UBE3A: variants seen among roughly 807,000 people sequenced by gnomAD.
UBE3A encodes the protein ubiquitin-protein ligase E3A.
In UBE3A, 6 loss-of-function variants were observed where a neutral mutation model predicts 83.4. The observed-to-expected ratio is 0.07, with a 90% CI of 0.04 to 0.14. The LOEUF (loss-of-function observed/expected upper bound fraction) is 0.14. UBE3A is among the 10% of genes least tolerant of loss of function. UBE3A has a pLI of 1.00. For synonymous variants in UBE3A, 337 were observed against 355.4 expected, an observed-to-expected ratio of 0.95 and a Z score of 0.58; for missense variants, 456 against 1,036.1, an observed-to-expected ratio of 0.44 and a Z score of 7.69.
chr15:25,372,997 A>G (rs2080552178), intron 5 of UBE3A, among the ~76,000 whole-genome samples: 1 of 152,198 alleles, frequency 6.6e-6, no homozygotes. Flanking sequence ...TATCATACTA[A>G]GGATCTGATC....
intron 1 of UBE3A, chr15:25,421,950 A>C (rs1483110386): frequency 6.6e-6 from 1 of 152,202 alleles, no homozygotes; most frequent in Admixed American, 6.5e-5. Flanking sequence ...ATTCCAATTT[A>C]AGGTATTTAC....
chr15:25,343,926 G>A (rs570244890), intron 11 of UBE3A, among the ~76,000 whole-genome samples: 4 of 152,266 alleles, frequency 2.6e-5, no homozygotes, highest in South Asian at 4.1e-4. Flanking sequence ...TTTCTCAATT[G>A]GCAAATAAGT....
intron 1 of UBE3A, among the ~76,000 whole-genome samples, chr15:25,427,631 A>AAAAAAAAAAAAAC (rs1311491781): frequency 8.7e-6 from 1 of 115,254 alleles, no homozygotes; most frequent in Non-Finnish European, 1.9e-5. Flanking sequence ...AAAAAAAAAA[A>AAAAAAAAAAAAAC]CCCACAAAAC....
intron 11 of UBE3A, among the ~76,000 whole-genome samples, chr15:25,349,719 C>T (rs760863280): frequency 1.3e-5 from 2 of 152,186 alleles, no homozygotes; most frequent in South Asian, 4.1e-4. Context: ...GAAGCACTTT[C>T]CAGCTTCTCT....
chr15:25,420,044 A>C (rs1888986366), intron 1 of UBE3A, among the ~76,000 whole-genome samples: 1 of 152,162 alleles, frequency 6.6e-6, no homozygotes, highest in African/African-American at 2.4e-5. Flanking sequence ...AATAAATGTA[A>C]ATGGACTTAA....
rs150355916 is a variant in UBE3A, at chr15:25,360,525, T to C, written c.1611A>G (p.Leu537=). 9.9e-6 allele frequency: 16 copies of C among 1,613,118 alleles called. No individual in the cohort carries two copies. Among genetic ancestry groups the C allele is most frequent in the Non-Finnish European group, 1.4e-5 (16 of 1,179,770 alleles). The change falls in exon 7 of 13, where the codon CTA becomes CTG. Residue 537 remains leucine, a splice_region_variant and synonymous_variant. Coordinates refer to ENST00000648336, the MANE Select transcript of UBE3A (RefSeq NM_130839.5). ...CAGGATTTTCCATAGCGATCATCTC[T>C]AGCTAGTGATTGAAAAGATAAACAT... ...DHIIDDALVR[L]EMIAMENPAD...
chr15:25,354,916 A>G (rs1268962884), intron 9 of UBE3A, among the ~76,000 whole-genome samples: 1 of 151,916 alleles, frequency 6.6e-6, no homozygotes, highest in Non-Finnish European at 1.5e-5. Flanking sequence ...TAAAAATTCA[A>G]TTTTACACCT....
At chr15:25,415,033 T>C (rs953081192) in intron 1 of UBE3A, among the ~76,000 whole-genome samples, 5 of 152,182 alleles carry the variant, frequency 3.3e-5, no homozygotes, top group Admixed American at 6.5e-5. Flanking sequence ...AGGTTAAGAT[T>C]CAAACCCTAA....
intron 1 of UBE3A, chr15:25,420,580 A>C (rs1889301760): frequency 6.6e-6 from 1 of 152,208 alleles, no homozygotes; most frequent in African/African-American, 2.4e-5. Context: ...GTCATGAAGA[A>C]AATGTAAATT....
chr15:25,348,203 G>A lies in UBE3A; in HGVS notation c.2354+6150C>T, dbSNP rs1403670839. 2.0e-5 allele frequency among the ~76,000 whole-genome samples: 3 copies of A among 151,922 alleles called. No homozygotes were observed. The East Asian group carries it at 5.8e-4, about 29-fold the overall frequency. On this transcript the variant is annotated intron_variant, in intron 11 of 12. Transcript: ENST00000648336. ...CCTCAAAATAAATGAAACAAAACCT[G>A]ATAAACAGATAAATCTCAGAAGCAG...
Position 25,333,800 on chromosome 15 carries a change from T to A in UBE3A, c.*5337A>T, listed in dbSNP as rs1451263316. 1 of 151,672 alleles carries A rather than the reference T, an allele frequency of 6.6e-6. No homozygotes were observed. The highest frequency in any genetic ancestry group is 1.5e-5 in the Non-Finnish European group (1 of 67,958). 9.4% of individuals were successfully genotyped at this position (151,672 alleles called of 1,614,324 possible). On this transcript the variant is annotated 3_prime_UTR_variant, in exon 13 of 13. Coordinates refer to ENST00000648336, the MANE Select transcript of UBE3A (RefSeq NM_130839.5). ...TCCCAGGAATGCAAAGTTAATTCAA[T>A]ATACAAAAGTCCATTAATACAACAT...
In UBE3A at chr15:25,337,757, C is replaced by G. The variant is rs2074068958; in HGVS notation, c.*1380G>C. On this transcript the variant is annotated 3_prime_UTR_variant, in exon 13 of 13. Coordinates refer to ENST00000648336, the MANE Select transcript of UBE3A (RefSeq NM_130839.5). ...TATAGCTTGTAGCAAAAGGATATATCAATGTCTCACCTTAGTTAAAAATAC... is the reference window on the plus strand; with the variant it reads ...TATAGCTTGTAGCAAAAGGATATATGAATGTCTCACCTTAGTTAAAAATAC... The G allele has an allele frequency of 6.6e-6, 1 of 152,060 alleles. No individual in the cohort carries two copies. The highest frequency in any genetic ancestry group is 2.1e-4 in the South Asian group (1 of 4,826). The allele number at this position is 152,060 out of a possible 1,614,324, so 9.4% of individuals were successfully genotyped here.
chr15:25,339,771 A>T (rs569517587), intron 12 of UBE3A: 3 of 387,062 alleles, frequency 7.8e-6, no homozygotes, highest in Admixed American at 8.0e-5. Flanking sequence ...TCCGAGCCTC[A>T]ATGTAACCAT....
At chr15:25,392,886 C>A (rs559293098) in intron 4 of UBE3A, among the ~76,000 whole-genome samples, 1 of 152,216 alleles carries the variant, frequency 6.6e-6, no homozygotes, top group East Asian at 1.9e-4. Flanking sequence ...ATAAGTAATT[C>A]TTTTTTTAGC....
intron 1 of UBE3A, among the ~76,000 whole-genome samples, chr15:25,424,472 C>T (rs577985555): frequency 2.0e-5 from 3 of 152,254 alleles, no homozygotes; most frequent in Admixed American, 6.5e-5. Flanking sequence ...ATATATTTTA[C>T]CTATCTTTAT....
chr15:25,365,111 C>A (rs2078871404), intron 6 of UBE3A, among the ~76,000 whole-genome samples: 1 of 152,018 alleles, frequency 6.6e-6, no homozygotes, highest in Non-Finnish European at 1.5e-5. Flanking sequence ...TTGATTTCAT[C>A]AATTGCTGGA....
At chr15:25,348,924 C>T (rs1383495748) in intron 11 of UBE3A, among the ~76,000 whole-genome samples, 1 of 152,236 alleles carries the variant, frequency 6.6e-6, no homozygotes. Context: ...ATCAAAATCT[C>T]TGCAGGCTTT....
chr15:25,339,728 T>A (rs562308895), intron 12 of UBE3A: 1 of 334,550 alleles, frequency 3.0e-6, no homozygotes, highest in South Asian at 2.9e-5. Flanking sequence ...AATGATTTGA[T>A]AACAGGATTC....
chr15:25,409,996 G>T (rs1283982623), intron 2 of UBE3A, among the ~76,000 whole-genome samples: 1 of 151,898 alleles, frequency 6.6e-6, no homozygotes, highest in African/African-American at 2.4e-5. Flanking sequence ...GACTGTTGTG[G>T]GGTGGGGGGA....
Sources: gnomAD v4.1 joint callset for allele counts (sites outside exome capture counted in the v4.1 genomes callset) on GRCh38, gnomAD v4.1.1 for gene constraint, MANE v1.5 for transcripts, NCBI Gene and HGNC (gene_info 2026-07-23, HGNC 2026-07-21) for gene names.